Variants in RIMS2 observed in about 807,000 individuals in gnomAD.
RIMS2 encodes regulating synaptic membrane exocytosis protein 2.
Under a neutral mutation model 174.4 loss-of-function variants are expected in RIMS2, and 59 were observed. The ratio of observed to expected loss-of-function variants is 0.34; its 90% CI spans 0.27 to 0.42. RIMS2 has a LOEUF of 0.42. RIMS2 is among the 10% of genes least tolerant of loss of function. The pLI is 1.00. For missense variants in RIMS2, 1,620 were observed against 1,666.3 expected, an observed-to-expected ratio of 0.97 and a Z score of 0.48; for synonymous variants, 606 against 572.5, an observed-to-expected ratio of 1.06 and a Z score of -0.84.
chr8:103,825,304 G>C (rs1026474930), intron 3 of RIMS2, among the ~76,000 whole-genome samples: 1 of 151,736 alleles, frequency 6.6e-6, no homozygotes, highest in East Asian at 1.9e-4. Flanking sequence ...TTTATTTTTT[G>C]ATGTTGTCTC....
At chr8:103,547,634 G>A (rs1432657431) in intron 1 of RIMS2, among the ~76,000 whole-genome samples, 1 of 152,068 alleles carries the variant, frequency 6.6e-6, no homozygotes, top group Non-Finnish European at 1.5e-5. Flanking sequence ...CCCAAAGCCA[G>A]TAGAAGACAA....
intron 3 of RIMS2, among the ~76,000 whole-genome samples, chr8:103,850,542 C>A (rs1049409284): frequency 1.7e-4 from 26 of 151,962 alleles, no homozygotes; most frequent in Non-Finnish European, 3.7e-4. Context: ...CTGTTTAGTT[C>A]TCCAATGAAT....
chr8:103,745,261 A>T (rs570790048), intron 2 of RIMS2, among the ~76,000 whole-genome samples: 1 of 152,196 alleles, frequency 6.6e-6, no homozygotes, highest in Admixed American at 6.5e-5. Context: ...ATTTCCTATT[A>T]TGCTTTTACG....
intron 17 of RIMS2, among the ~76,000 whole-genome samples, chr8:104,006,336 A>G (rs2154552844): frequency 6.6e-6 from 1 of 152,210 alleles, no homozygotes; most frequent in East Asian, 1.9e-4. Flanking sequence ...GATCACCTTG[A>G]GGTCGGGAGT....
intron 19 of RIMS2, among the ~76,000 whole-genome samples, chr8:104,018,736 T>C (rs994106846): frequency 3.3e-5 from 5 of 152,164 alleles, no homozygotes; most frequent in Non-Finnish European, 5.9e-5. Flanking sequence ...TAAAGAAATA[T>C]AGAACGGAAT....
intron 2 of RIMS2, among the ~76,000 whole-genome samples, chr8:103,757,957 T>G (rs530389021): frequency 6.6e-6 from 1 of 152,282 alleles, no homozygotes; most frequent in East Asian, 1.9e-4. Context: ...ACATCTTGAT[T>G]TTGGTCAGGT....
At chr8:104,175,880 T>G (rs574970182) in intron 19 of RIMS2, among the ~76,000 whole-genome samples, 3 of 152,296 alleles carry the variant, frequency 2.0e-5, no homozygotes, top group African/African-American at 7.2e-5. Context: ...GTATGCTCTC[T>G]TCTTGCATTT....
intron 19 of RIMS2, among the ~76,000 whole-genome samples, chr8:104,170,999 T>TA (rs1465473421): frequency 1.3e-5 from 2 of 152,176 alleles, no homozygotes; most frequent in Non-Finnish European, 2.9e-5. Flanking sequence ...TTCTGCCTTG[T>TA]AAATTTTCTG....
At chr8:103,874,197 G>T (rs2099125075) in intron 3 of RIMS2, among the ~76,000 whole-genome samples, 1 of 152,016 alleles carries the variant, frequency 6.6e-6, no homozygotes, top group African/African-American at 2.4e-5. Flanking sequence ...TCTCAATCAT[G>T]AAACAATAAA....
chr8:103,820,153 C>T (rs970770854), intron 3 of RIMS2, among the ~76,000 whole-genome samples: 3 of 152,038 alleles, frequency 2.0e-5, no homozygotes, highest in Non-Finnish European at 2.9e-5. Flanking sequence ...GCTAATTTGG[C>T]AGGATTCTTT....
intron 1 of RIMS2, among the ~76,000 whole-genome samples, chr8:103,577,323 A>C (rs2132615499): frequency 6.6e-6 from 1 of 152,352 alleles, no homozygotes; most frequent in African/African-American, 2.4e-5. Flanking sequence ...ACATGAAAAA[A>C]ATGCTCATCA....
intron 19 of RIMS2, among the ~76,000 whole-genome samples, chr8:104,230,754 A>G (rs1236052031): frequency 6.6e-6 from 1 of 152,260 alleles, no homozygotes; most frequent in African/African-American, 2.4e-5. Context: ...TCGGACGGGA[A>G]TAAAACGAAA....
chr8:104,181,106 T>A (rs1486989785), intron 19 of RIMS2, among the ~76,000 whole-genome samples: 1 of 151,722 alleles, frequency 6.6e-6, no homozygotes, highest in Non-Finnish European at 1.5e-5. Flanking sequence ...TTTTCTTAAT[T>A]GCAGGACTTC....
chr8:103,811,874 A>C (rs897984525), intron 3 of RIMS2, among the ~76,000 whole-genome samples: 17 of 152,224 alleles, frequency 1.1e-4, no homozygotes, highest in African/African-American at 3.6e-4. Context: ...TAGCCCTTAC[A>C]CTTCTGGCTT....
intron 20 of RIMS2, among the ~76,000 whole-genome samples, chr8:104,246,606 T>A (rs774384428): frequency 6.6e-6 from 1 of 151,956 alleles, no homozygotes; most frequent in Non-Finnish European, 1.5e-5. Flanking sequence ...AGGAGAAAAA[T>A]ACAGCAAGGA....
chr8:103,778,254 T>C (rs2098340982), intron 3 of RIMS2, among the ~76,000 whole-genome samples: 1 of 152,088 alleles, frequency 6.6e-6, no homozygotes, highest in Admixed American at 6.6e-5. Flanking sequence ...ATCTTATCTT[T>C]ATGCTGGTAA....
intron 14 of RIMS2, among the ~76,000 whole-genome samples, chr8:103,957,865 C>T (rs1191939035): frequency 6.6e-6 from 1 of 152,094 alleles, no homozygotes; most frequent in Non-Finnish European, 1.5e-5. Flanking sequence ...CCATCGCACA[C>T]CAGACAAAAT....
At chr8:104,005,926 T>TTCTATGTTCTAG (rs2095559857) in intron 17 of RIMS2, among the ~76,000 whole-genome samples, 1 of 151,940 alleles carries the variant, frequency 6.6e-6, no homozygotes, top group African/African-American at 2.4e-5. Context: ...ATAGACTATG[T>TTCTATGTTCTAG]TCTATGTTCT....
At position 103,729,235 on chromosome 8, in the gene RIMS2, A is replaced by T. The variant is rs566472628; in HGVS notation, c.387+31939A>T. On this transcript the variant is annotated intron_variant, in intron 2 of 23. Transcript: ENST00000504942. Reference sequence around the variant, plus strand: ...TTTCTTTGCTGGGAAACTTTTAATTATGGCTTTGATCTCATTACTTGTTCT... The same window carrying T: ...TTTCTTTGCTGGGAAACTTTTAATTTTGGCTTTGATCTCATTACTTGTTCT... Among the ~76,000 whole-genome samples, 7 of 152,160 alleles carry T rather than the reference A, an allele frequency of 4.6e-5. No homozygotes were observed. In the East Asian group the frequency reaches 1.4e-3, roughly 29 times the overall value.
Sources: allele counts gnomAD v4.1 joint callset (sites outside exome capture counted in the v4.1 genomes callset), GRCh38; gene constraint gnomAD v4.1.1; transcripts MANE v1.5; gene names NCBI Gene and HGNC (gene_info 2026-07-23, HGNC 2026-07-21).